Variants in WWOX observed in about 807,000 individuals in gnomAD.
The protein encoded by WWOX is WW domain-containing oxidoreductase.
Under a neutral mutation model 46.2 loss-of-function variants are expected in WWOX, and 69 were observed. The observed-to-expected ratio is 1.49, with a 90% CI of 1.23 to 1.82. The LOEUF (loss-of-function observed/expected upper bound fraction) is 1.82. WWOX is among the 40% of genes most tolerant of loss of function. The probability of loss-of-function intolerance (pLI) is 0.00; values close to 1 mark genes in which losing one functional copy is unlikely to be tolerated. For missense variants in WWOX, 919 were observed against 542.6 expected, an observed-to-expected ratio of 1.69 and a Z score of -6.89; for synonymous variants, 359 against 202.6, an observed-to-expected ratio of 1.77 and a Z score of -6.56.
chr16:78,573,445 C>T (rs1366420759), intron 8 of WWOX, among the ~76,000 whole-genome samples: 1 of 152,004 alleles, frequency 6.6e-6, no homozygotes, highest in Non-Finnish European at 1.5e-5. Flanking sequence ...GGTATTACAC[C>T]CTGTGATTTG....
chr16:78,476,860 T>G (rs1435616441), intron 8 of WWOX, among the ~76,000 whole-genome samples: 1 of 152,044 alleles, frequency 6.6e-6, no homozygotes, highest in Non-Finnish European at 1.5e-5. Context: ...TCTTTTTCCT[T>G]CCCTCCCTTC....
intron 6 of WWOX, among the ~76,000 whole-genome samples, chr16:78,424,428 G>T (rs1166335868): frequency 2.6e-5 from 4 of 152,116 alleles, no homozygotes; most frequent in Non-Finnish European, 4.4e-5. Context: ...CCCTGTGTCA[G>T]CCTTTTTAAC....
intron 8 of WWOX, among the ~76,000 whole-genome samples, chr16:78,620,701 T>A (rs994278407): frequency 1.3e-5 from 2 of 152,032 alleles, no homozygotes. Context: ...GGTTTTTTTT[T>A]CCTTTTTGCA....
intron 6 of WWOX, among the ~76,000 whole-genome samples, chr16:78,389,024 A>C (rs933081202): frequency 6.6e-6 from 1 of 152,098 alleles, no homozygotes; most frequent in Non-Finnish European, 1.5e-5. Flanking sequence ...CAGTGTCCCA[A>C]GTCACTGAGG....
chr16:78,547,344 A>T (rs2044065512), intron 8 of WWOX, among the ~76,000 whole-genome samples: 1 of 152,110 alleles, frequency 6.6e-6, no homozygotes, highest in South Asian at 2.1e-4. Flanking sequence ...GATGAAAAAA[A>T]TGAGGGACAG....
intron 5 of WWOX, among the ~76,000 whole-genome samples, chr16:78,180,655 C>T (rs2035502685): frequency 6.6e-6 from 1 of 152,008 alleles, no homozygotes; most frequent in Non-Finnish European, 1.5e-5. Flanking sequence ...TGGGTAAACC[C>T]AGCCGCACCG....
intron 8 of WWOX, among the ~76,000 whole-genome samples, chr16:78,601,037 T>G (rs1304582786): frequency 2.0e-5 from 3 of 152,166 alleles, no homozygotes; most frequent in Non-Finnish European, 4.4e-5. Flanking sequence ...TCGTTCAGTT[T>G]CCACATAATA....
At chr16:78,615,243 T>C (rs866001045) in intron 8 of WWOX, among the ~76,000 whole-genome samples, 1 of 152,332 alleles carries the variant, frequency 6.6e-6, no homozygotes, top group East Asian at 1.9e-4. Context: ...TTGAAGGCGC[T>C]AATGGGAGAT....
At chr16:78,554,271 A>G (rs954334413) in intron 8 of WWOX, among the ~76,000 whole-genome samples, 1 of 152,198 alleles carries the variant, frequency 6.6e-6, no homozygotes, top group Non-Finnish European at 1.5e-5. Flanking sequence ...TTTCACTATC[A>G]GTGGTATAAG....
chr16:78,821,772 C>T (rs191872712), intron 8 of WWOX, among the ~76,000 whole-genome samples: 46 of 152,286 alleles, frequency 3.0e-4, no homozygotes, highest in Admixed American at 2.2e-3. Flanking sequence ...TGCAAAGTAA[C>T]CTAGCATAGT....
chr16:78,615,777 G>A (rs1441014642), intron 8 of WWOX, among the ~76,000 whole-genome samples: 4 of 150,728 alleles, frequency 2.7e-5, no homozygotes, highest in Admixed American at 6.6e-5. Flanking sequence ...TTGAGGCGGA[G>A]TCTCACTCTG....
intron 6 of WWOX, among the ~76,000 whole-genome samples, chr16:78,418,796 A>C (rs2082858840): frequency 6.6e-6 from 1 of 152,116 alleles, no homozygotes; most frequent in Non-Finnish European, 1.5e-5. Flanking sequence ...CATTTTCTCA[A>C]CTCAATAAAG....
intron 8 of WWOX, among the ~76,000 whole-genome samples, chr16:78,541,473 CAAAAAAAAAAAA>C (rs59900108): frequency 4.0e-4 from 18 of 45,142 alleles, no homozygotes; most frequent in African/African-American, 1.2e-3. Context: ...GACTCCGTCT[CAAAAAAAAAAAA>C]AAAAAAAAAA....
intron 8 of WWOX, among the ~76,000 whole-genome samples, chr16:79,002,304 G>C (rs930485044): frequency 5.5e-5 from 7 of 127,610 alleles, no homozygotes; most frequent in African/African-American, 2.1e-4. Context: ...GCTCACTGCA[G>C]CCTCCACCTT....
intron 8 of WWOX, among the ~76,000 whole-genome samples, chr16:78,876,131 C>A (rs907030183): frequency 1.2e-4 from 19 of 152,112 alleles, no homozygotes; most frequent in African/African-American, 4.3e-4. Context: ...GACTTTCTTA[C>A]CTACGCTACC....
At chr16:78,246,510 C>T (rs2037819877) in intron 5 of WWOX, among the ~76,000 whole-genome samples, 2 of 152,170 alleles carry the variant, frequency 1.3e-5, no homozygotes, top group African/African-American at 4.8e-5. Flanking sequence ...CTTTCAGTGC[C>T]ATTTTTGGCT....
At chr16:78,502,922 G>C (rs2085106743) in intron 8 of WWOX, among the ~76,000 whole-genome samples, 1 of 152,208 alleles carries the variant, frequency 6.6e-6, no homozygotes, top group African/African-American at 2.4e-5. Flanking sequence ...CCTGCTTCCA[G>C]CGATAGCAAG....
chr16:78,856,228 C>T (rs1351612019), intron 8 of WWOX, among the ~76,000 whole-genome samples: 1 of 152,142 alleles, frequency 6.6e-6, no homozygotes, highest in African/African-American at 2.4e-5. Context: ...AGGATTTAGG[C>T]AGGGACTGCG....
intron 8 of WWOX, among the ~76,000 whole-genome samples, chr16:78,979,841 C>T (rs1325864792): frequency 6.6e-6 from 1 of 152,114 alleles, no homozygotes; most frequent in African/African-American, 2.4e-5. Flanking sequence ...TAGAATAAAT[C>T]AACGTGGCTG....
Sources: allele counts gnomAD v4.1 joint callset (sites outside exome capture counted in the v4.1 genomes callset), GRCh38; gene constraint gnomAD v4.1.1; transcripts MANE v1.5; gene names NCBI Gene and HGNC (gene_info 2026-07-23, HGNC 2026-07-21).